LRCH4: variants seen among roughly 807,000 people sequenced by gnomAD.
LRCH4 encodes the protein leucine-rich repeat and calponin homology domain-containing protein 4.
LRCH4 carries 56 observed loss-of-function variants against 81.2 expected under a neutral mutation model. The observed-to-expected ratio is 0.69, with a 90% CI of 0.56 to 0.86. The LOEUF (loss-of-function observed/expected upper bound fraction) is 0.86, where lower values mean the gene tolerates loss of function less well. LRCH4 is among the 40% of genes least tolerant of loss of function. The pLI, the probability that LRCH4 is intolerant of heterozygous loss-of-function variation, is 0.00. For missense variants in LRCH4, 895 were observed against 922.8 expected, an observed-to-expected ratio of 0.97 and a Z score of 0.39; for synonymous variants, 442 against 409.7, an observed-to-expected ratio of 1.08 and a Z score of -0.95.
chr7:100,578,264 G>A lies in LRCH4; in HGVS notation c.849-6C>T, dbSNP rs1442574783. The A allele has an allele frequency of 6.2e-7, 1 of 1,613,220 alleles. No homozygotes were observed. The highest frequency in any genetic ancestry group is 8.5e-7 in the Non-Finnish European group (1 of 1,179,118). On this transcript the variant is annotated splice_polypyrimidine_tract_variant and splice_region_variant and intron_variant, in intron 6 of 17. Coordinates refer to ENST00000310300, the MANE Select transcript of LRCH4 (RefSeq NM_002319.5). This position sits in a 1 kb window ranked among gnomAD's most constrained non-coding sequence, Gnocchi z 5.7. The stretch of plus-strand genomic sequence containing the variant: ...GAAATAGATCCTCTGCAGGGCTGGG[G>A]CCAGCCAGGCGGATCTGGTCAGCCT...
intron 1 of LRCH4, chr7:100,584,766 G>A (rs1487343733): frequency 2.2e-6 from 1 of 456,680 alleles, no homozygotes; most frequent in Non-Finnish European, 4.4e-6. Flanking sequence ...GTGTGCCAGT[G>A]CCGGCCTGAG....
At chr7:100,576,540 A>C in intron 14 of LRCH4, 154 bp downstream of exon 14, 1 of 718,704 alleles carries the variant, frequency 1.4e-6, no homozygotes, top group Non-Finnish European at 2.3e-6. Flanking sequence ...CTGCGATTAC[A>C]GGTGTGAGCC....
Position 100,586,095 on chromosome 7 carries a change from C to G in LRCH4, c.6G>C (p.Ala2=). 1.3e-6 allele frequency: 2 copies of G among 1,525,878 alleles called. No homozygotes were observed. Among genetic ancestry groups the G allele is most frequent in the Non-Finnish European group, 1.8e-6 (2 of 1,133,270 alleles). 94.5% of individuals were successfully genotyped at this position (1,525,878 alleles called of 1,614,324 possible). A position where few individuals can be genotyped will look rare whatever the true frequency, so the allele number is the denominator to read the frequency against. The change falls in exon 1 of 18, where the codon GCG becomes GCC. Residue 2 remains alanine (A), a synonymous_variant. Coordinates refer to ENST00000310300, the MANE Select transcript of LRCH4 (RefSeq NM_002319.5). M[A]AAVAAPLAAG... ...CGGCGAGTGGAGCCGCTACGGCCGC[C>G]GCCATCCGCTCCCGGCGGCTCCCGC...
intron 14 of LRCH4, 43 bp from the exon 15 acceptor site, chr7:100,576,366 C>T: frequency 7.0e-7 from 1 of 1,423,952 alleles, no homozygotes; most frequent in Admixed American, 1.7e-5. Flanking sequence ...CACTGCTCAC[C>T]ACTGACTCTG....
rs748614808 is a variant in LRCH4 at position 100,575,179 on chromosome 7, G to A, written c.1980C>T (p.Gly660=). ...GGACCACGTAGAAGACGACGAAGCC[G>A]CCCAGACCAGAGGGGGGCCAGAGGG... The part of the protein sequence containing the change: ...LPPLWPPSGL[G]GFVVFYVVLM... Residue 660 remains glycine, a synonymous_variant, in exon 18 of 18, where the codon GGC becomes GGT. Transcript: ENST00000310300. This position sits in a 1 kb window ranked among gnomAD's most constrained non-coding sequence, Gnocchi z 5.3. The A allele has an allele frequency of 4.3e-6, 7 of 1,613,088 alleles. No homozygotes were observed. Among genetic ancestry groups the A allele is most frequent in the East Asian group, 4.5e-5 (2 of 44,866 alleles).
intron 1 of LRCH4, chr7:100,584,092 G>C: frequency 2.2e-6 from 1 of 454,462 alleles, no homozygotes. Flanking sequence ...ACGCAGCGAA[G>C]ACACTCAGAA....
At position 100,577,977 on chromosome 7, in the gene LRCH4, G is replaced by A. The variant is rs1801426211; in HGVS notation, c.949-65C>T. On this transcript the variant is annotated intron_variant, in intron 7 of 17. Coordinates refer to ENST00000310300, the MANE Select transcript of LRCH4 (RefSeq NM_002319.5). This position sits in a 1 kb window ranked among gnomAD's most constrained non-coding sequence, Gnocchi z 6.7. The stretch of plus-strand genomic sequence containing the variant: ...TACATGGGGGCTCAGGACCTGGGGG[G>A]TCCTGTGTGGGACTAAGCTCAGGGT... 2.8e-6 allele frequency: 4 copies of A among 1,434,906 alleles called. No individual in the cohort carries two copies. The highest frequency in any genetic ancestry group is 2.8e-5 in the African/African-American group (2 of 70,922). 88.9% of individuals were successfully genotyped at this position (1,434,906 alleles called of 1,614,324 possible).
chr7:100,574,691 G>A lies in LRCH4; in HGVS notation c.*416C>T, dbSNP rs982831970. 1 of 182,424 alleles carries A rather than the reference G, an allele frequency of 5.5e-6. No individual in the cohort carries two copies. The highest frequency in any genetic ancestry group is 5.4e-5 in the Admixed American group (1 of 18,678). 11.3% of individuals were successfully genotyped at this position (182,424 alleles called of 1,614,324 possible). ...CTGTACAGTTTATACACAGAGATAGGGACCCGGCCTGGGCCCCGAACCCCT... is the reference window on the plus strand; with the variant it reads ...CTGTACAGTTTATACACAGAGATAGAGACCCGGCCTGGGCCCCGAACCCCT... On this transcript the variant is annotated 3_prime_UTR_variant, in exon 18 of 18. Transcript: ENST00000310300.
In LRCH4 at chr7:100,582,101, G is replaced by A. The variant is rs755098492; in HGVS notation, c.432C>T (p.Ser144=). 1 of 1,612,288 alleles carries A rather than the reference G, an allele frequency of 6.2e-7. No individual in the cohort carries two copies. The highest frequency in any genetic ancestry group is 8.5e-7 in the Non-Finnish European group (1 of 1,179,786). The change falls in exon 3 of 18, where the codon AGC becomes AGT. Residue 144 remains serine (S), a synonymous_variant. Transcript: ENST00000310300. The surrounding 1 kb of genome is among the most constrained non-coding windows in gnomAD (Gnocchi z 5.0). The part of the protein sequence containing the change: ...CQLPLRVLIV[S]NNKLGALPPD... ...GGGGCAGGGCTCCCAGCTTGTTGTTGCTGACGATGAGGACCCTCAGGGGCA... is the reference window on the plus strand; with the variant it reads ...GGGGCAGGGCTCCCAGCTTGTTGTTACTGACGATGAGGACCCTCAGGGGCA...
At chr7:100,584,340 G>T (rs1801651434) in intron 1 of LRCH4, 1 of 409,112 alleles carries the variant, frequency 2.4e-6, no homozygotes. Flanking sequence ...GCAGAGGAGG[G>T]TTCTTGGGAA....
chr7:100,575,323 G>C lies in LRCH4; in HGVS notation c.1855-19C>G, dbSNP rs778320700. Reference sequence around the variant, plus strand: ...GGTCAGCCTGGGGGAGAGGAGAGCAGGTGGACAAGGACAAGGGACAGACGT... The same window carrying C: ...GGTCAGCCTGGGGGAGAGGAGAGCACGTGGACAAGGACAAGGGACAGACGT... On this transcript the variant is annotated intron_variant, in intron 17 of 17. Coordinates refer to ENST00000310300, the MANE Select transcript of LRCH4 (RefSeq NM_002319.5). The surrounding 1 kb of genome is among the most constrained non-coding windows in gnomAD (Gnocchi z 5.3). 2.0e-6 allele frequency: 3 copies of C among 1,525,420 alleles called. No individual in the cohort carries two copies. The African/African-American group carries it at 4.1e-5, about 21-fold the overall frequency. The allele number at this position is 1,525,420 out of a possible 1,614,324, so 94.5% of individuals were successfully genotyped here. A position where few individuals can be genotyped will look rare whatever the true frequency, so the allele number is the denominator to read the frequency against.
chr7:100,575,032 G>A lies in LRCH4; in HGVS notation c.*75C>T. The A allele has an allele frequency of 7.1e-7, 1 of 1,401,022 alleles. No homozygotes were observed. The highest frequency in any genetic ancestry group is 2.3e-5 in the Admixed American group (1 of 43,054). The allele number at this position is 1,401,022 out of a possible 1,614,324, so 86.8% of individuals were successfully genotyped here. A position where few individuals can be genotyped will look rare whatever the true frequency, so the allele number is the denominator to read the frequency against. ...TTTGGTTGGGGCTGAAGGCACCGCA[G>A]GTGGGGTCGGGTGGAGCAGGGACCT... On this transcript the variant is annotated 3_prime_UTR_variant, in exon 18 of 18. Coordinates refer to ENST00000310300, the MANE Select transcript of LRCH4 (RefSeq NM_002319.5). This position sits in a 1 kb window ranked among gnomAD's most constrained non-coding sequence, Gnocchi z 5.3.
intron 4 of LRCH4, chr7:100,579,043 G>T (rs1801457130): frequency 3.9e-6 from 2 of 518,104 alleles, no homozygotes; most frequent in South Asian, 4.5e-5. Context: ...CCATCCGGAC[G>T]TCAGGTCCCG....
Position 100,576,698 on chromosome 7 carries a change from G to A in LRCH4, c.1548C>T (p.Gly516=). ...SFLFRSSSQS[G]SGPSSPDSVL... is the part of the protein sequence containing the mutation. Reference sequence around the variant, plus strand: ...TGGGGAGGGCAGGACACCCACCTGAGCCACTCTGAGAGGAGGAACGGAAGA... The same window carrying A: ...TGGGGAGGGCAGGACACCCACCTGAACCACTCTGAGAGGAGGAACGGAAGA... Residue 516 remains glycine (G), a synonymous_variant, in exon 14 of 18, where the codon GGC becomes GGT. Transcript: ENST00000310300. 1 of 1,587,896 alleles carries A rather than the reference G, an allele frequency of 6.3e-7. No homozygotes were observed. The highest frequency in any genetic ancestry group is 8.6e-7 in the Non-Finnish European group (1 of 1,167,016).
chr7:100,585,450 G>C, intron 1 of LRCH4: 1 of 160,342 alleles, frequency 6.2e-6, no homozygotes, highest in South Asian at 1.7e-4. Context: ...GGGTGCCCGG[G>C]GCTGCTCGGA....
chr7:100,582,659 G>T lies in LRCH4; in HGVS notation c.221-200C>A, dbSNP rs1194222367. Among the ~76,000 whole-genome samples the T allele has an allele frequency of 6.6e-6, 1 of 152,222 alleles. No homozygotes were observed. Among genetic ancestry groups the T allele is most frequent in the Non-Finnish European group, 1.5e-5 (1 of 68,036 alleles). On this transcript the variant is annotated intron_variant, in intron 1 of 17. Transcript: ENST00000310300. This position sits in a 1 kb window ranked among gnomAD's most constrained non-coding sequence, Gnocchi z 5.0. Reference sequence around the variant, plus strand: ...GGCGTGACCAGAATGGCACAGGGAAGGCAAAGGCCTTAGCGTCACTGGGCT... The same window carrying T: ...GGCGTGACCAGAATGGCACAGGGAATGCAAAGGCCTTAGCGTCACTGGGCT...
At chr7:100,580,721 CACACAA>C (rs953413449) in intron 4 of LRCH4, 15 of 151,834 alleles carry the variant, frequency 9.9e-5, no homozygotes, top group Admixed American at 5.9e-4. Context: ...CAAACACAGA[CACACAA>C]ACATACACAC....
Position 100,576,334 on chromosome 7 carries a change from A to C in LRCH4, c.1553-11T>G, listed in dbSNP as rs1301737437. On this transcript the variant is annotated splice_polypyrimidine_tract_variant and intron_variant, in intron 14 of 17. Coordinates refer to ENST00000310300, the MANE Select transcript of LRCH4 (RefSeq NM_002319.5). The stretch of plus-strand genomic sequence containing the variant: ...CTGGTGAGGAAGGGCCTAGGAGAAA[A>C]AGGGGGGCATGGGGCTGCCTCCACT... The C allele has an allele frequency of 6.2e-7, 1 of 1,608,658 alleles. No homozygotes were observed. The highest frequency in any genetic ancestry group is 8.5e-7 in the Non-Finnish European group (1 of 1,175,500).
At chr7:100,584,116 G>A (rs1356085422) in intron 1 of LRCH4, 21 of 456,438 alleles carry the variant, frequency 4.6e-5, no homozygotes, top group East Asian at 2.1e-4. Flanking sequence ...GATGGGAGAC[G>A]GGAGGGGAAG....
Sources: gnomAD v4.1 joint callset for allele counts (sites outside exome capture counted in the v4.1 genomes callset) on GRCh38, gnomAD v4.1.1 for gene constraint, Gnocchi (gnomAD v3.1) non-coding constraint, MANE v1.5 for transcripts, NCBI Gene and HGNC (gene_info 2026-07-23, HGNC 2026-07-21) for gene names.